FBXO16: variants seen among roughly 807,000 people sequenced by gnomAD.
The protein encoded by FBXO16 is F-box only protein 16.
In FBXO16, 31 loss-of-function variants were observed where a neutral mutation model predicts 41.0. The ratio of observed to expected loss-of-function variants is 0.76; its 90% CI spans 0.57 to 1.02. The LOEUF (loss-of-function observed/expected upper bound fraction) is 1.02, where lower values mean the gene tolerates loss of function less well. Ranked by LOEUF, FBXO16 falls within the 50% of genes least tolerant of loss-of-function variation. The pLI, the probability that FBXO16 is intolerant of heterozygous loss-of-function variation, is 0.00. For synonymous variants in FBXO16, 133 were observed against 117.8 expected (o/e 1.13, Z -0.84); for missense variants, 361 against 346.2 (o/e 1.04, Z -0.34).
chr8:28,476,135 G>A (rs1454527189), intron 2 of FBXO16, among the ~76,000 whole-genome samples: 1 of 152,114 alleles, frequency 6.6e-6, no homozygotes, highest in Non-Finnish European at 1.5e-5. Flanking sequence ...GTCCAATGAT[G>A]GTGTGGCCCA....
In FBXO16 at chr8:28,438,624, A is replaced by G. The variant is rs142840978; in HGVS notation, c.843+8547T>C. On this transcript the variant is annotated intron_variant, in intron 7 of 8. Coordinates refer to ENST00000380254, the MANE Select transcript of FBXO16 (RefSeq NM_172366.4). ...CTAGCTTTGAGCTAGGTACTGTGCT[A>G]ATGCTTTACATCCTCCTCCCAATTC... is the stretch of plus-strand genomic sequence containing the variant. Among the ~76,000 whole-genome samples, 946 of 152,278 alleles carry G rather than the reference A, an allele frequency of 6.2e-3. 17 individuals carry two copies. Among genetic ancestry groups the G allele is most frequent in the African/African-American group, 0.022 (896 of 41,552 alleles).
rs573169015 is a variant in FBXO16, at chr8:28,472,225, G to T, written c.135+1547C>A. Among the ~76,000 whole-genome samples the T allele has an allele frequency of 1.2e-4, 19 of 152,190 alleles. No homozygotes were observed. In the East Asian group the frequency reaches 3.7e-3, roughly 29 times the overall value. ...CCTGCCTTACCCATCCCAAGTAGCT[G>T]GGACTATAGGAAAGCACCACCATGC... is the stretch of plus-strand genomic sequence containing the variant. On this transcript the variant is annotated intron_variant, in intron 3 of 8. Coordinates refer to ENST00000380254, the MANE Select transcript of FBXO16 (RefSeq NM_172366.4).
At chr8:28,455,118 C>T (rs1036674971) in intron 5 of FBXO16, among the ~76,000 whole-genome samples, 5 of 151,530 alleles carry the variant, frequency 3.3e-5, no homozygotes, top group African/African-American at 1.2e-4. Flanking sequence ...CTCTATCGCC[C>T]AGGATGTAGT....
intron 7 of FBXO16, among the ~76,000 whole-genome samples, chr8:28,430,045 A>G (rs1436509073): frequency 1.3e-5 from 2 of 152,186 alleles, no homozygotes; most frequent in African/African-American, 4.8e-5. Flanking sequence ...ATGAGGCTGC[A>G]AACTCCCTGC....
rs893288313 is a variant in FBXO16, at chr8:28,438,759, C to T, written c.843+8412G>A. On this transcript the variant is annotated intron_variant, in intron 7 of 8. Transcript: ENST00000380254. ...TCACCAGACTACTAAAATAGTGGTA[C>T]GATGGGCATTGAACTTAGGCTATTT... 4.6e-5 allele frequency among the ~76,000 whole-genome samples: 7 copies of T among 152,190 alleles called. No homozygotes were observed. In the South Asian group the frequency reaches 6.2e-4, roughly 14 times the overall value.
At position 28,451,325 on chromosome 8, in the gene FBXO16, GAACCAA is replaced by G. The variant is rs1346703753; in HGVS notation, c.740+913_740+918del. Among the ~76,000 whole-genome samples, 5 of 151,734 alleles carry G rather than the reference GAACCAA, an allele frequency of 3.3e-5. No individual in the cohort carries two copies. In the Middle Eastern group the frequency reaches 0.01, roughly 312 times the overall value. ...AGAGATTTCTGGTGTGTTTGTCAAA[GAACCAA>G]AAATCTTTTTTCTTTGTTTTCTTTC... On this transcript the variant is annotated intron_variant, in intron 6 of 8. Coordinates refer to ENST00000380254, the MANE Select transcript of FBXO16 (RefSeq NM_172366.4).
At chr8:28,483,839 CA>C (rs201009149) in intron 1 of FBXO16, among the ~76,000 whole-genome samples, 1 of 151,282 alleles carries the variant, frequency 6.6e-6, no homozygotes, top group Non-Finnish European at 1.5e-5. Context: ...GACTCCACCT[CA>C]AAAAAAACAA....
rs372509743 is a variant in FBXO16, at chr8:28,463,592, T to A, written c.342+20A>T. ...AAGGCTGTCCTCACAAAACACCACA[T>A]ACCCCTTCCTTGCCTTTACCTGTGC... On this transcript the variant is annotated intron_variant, in intron 4 of 8. Coordinates refer to ENST00000380254, the MANE Select transcript of FBXO16 (RefSeq NM_172366.4). 167 of 1,612,616 alleles carry A rather than the reference T, an allele frequency of 1.0e-4. No homozygotes were observed. The African/African-American group carries it at 1.8e-3, about 17-fold the overall frequency.
chr8:28,473,277 G>A (rs1336213965), intron 3 of FBXO16, among the ~76,000 whole-genome samples: 8 of 152,182 alleles, frequency 5.3e-5, no homozygotes, highest in African/African-American at 1.9e-4. Context: ...ATGCTTCTCA[G>A]GAAATGAGGA....
At chr8:28,475,488 A>G (rs1474895626) in intron 2 of FBXO16, among the ~76,000 whole-genome samples, 1 of 152,242 alleles carries the variant, frequency 6.6e-6, no homozygotes, top group Non-Finnish European at 1.5e-5. Context: ...GAAGTAGAGG[A>G]GAATCTGTAG....
At chr8:28,436,992 G>A (rs1802696450) in intron 7 of FBXO16, among the ~76,000 whole-genome samples, 1 of 152,082 alleles carries the variant, frequency 6.6e-6, no homozygotes, top group Non-Finnish European at 1.5e-5. Flanking sequence ...GGACTCAAGT[G>A]ATCCCCCTGC....
At chr8:28,439,291 C>A (rs568108124) in intron 7 of FBXO16, among the ~76,000 whole-genome samples, 3 of 152,146 alleles carry the variant, frequency 2.0e-5, no homozygotes, top group Non-Finnish European at 2.9e-5. Flanking sequence ...AGTACAAGAG[C>A]CCAGGTCTGT....
chr8:28,440,643 A>C (rs1802757200), intron 7 of FBXO16, among the ~76,000 whole-genome samples: 1 of 152,188 alleles, frequency 6.6e-6, no homozygotes, highest in South Asian at 2.1e-4. Flanking sequence ...CTAAGAGTAA[A>C]GTTATCCCTG....
Position 28,447,225 on chromosome 8 carries a change from ATGT to A in FBXO16, c.786_788del (p.His263del), listed in dbSNP as rs1802878194. 3 of 1,613,834 alleles carry A rather than the reference ATGT, an allele frequency of 1.9e-6. No homozygotes were observed. The Admixed American group carries it at 5.0e-5, about 27-fold the overall frequency. On this transcript the variant is annotated inframe_deletion, in exon 7 of 9. Transcript: ENST00000380254. ...TGTCCTGCAATTTATTTTTCTTATC[ATGT>A]GACTGTCGGCTGAAGTCTGGGGTCA...
chr8:28,486,696 G>A lies in FBXO16; in HGVS notation c.-16-3234C>T, dbSNP rs368465077. ...ACCAAAAAATTAGCTGGGCTTAGTG[G>A]TGCACGCCTGTGGTCCCAGCTACTT... On this transcript the variant is annotated intron_variant, in intron 1 of 8. Coordinates refer to ENST00000380254, the MANE Select transcript of FBXO16 (RefSeq NM_172366.4). 2.7e-4 allele frequency among the ~76,000 whole-genome samples: 41 copies of A among 151,992 alleles called. 1 individual carries two copies. The Middle Eastern group carries it at 0.017, about 63-fold the overall frequency.
chr8:28,452,671 G>A (rs1802974818), intron 5 of FBXO16, among the ~76,000 whole-genome samples, 195 bp from the exon 6 acceptor site: 1 of 151,856 alleles, frequency 6.6e-6, no homozygotes, highest in East Asian at 1.9e-4. Context: ...TGTGGTGGCG[G>A]GCACCTGTAG....
intron 2 of FBXO16, among the ~76,000 whole-genome samples, chr8:28,478,021 A>G (rs1219267740): frequency 6.6e-6 from 1 of 152,104 alleles, no homozygotes; most frequent in African/African-American, 2.4e-5. Context: ...AAACAAACAA[A>G]CAAACACCAG....
chr8:28,473,339 A>G (rs997194564), intron 3 of FBXO16, among the ~76,000 whole-genome samples: 1 of 152,232 alleles, frequency 6.6e-6, no homozygotes, highest in Admixed American at 6.5e-5. Context: ...ATAATGCTAC[A>G]GACTGAATGT....
Position 28,429,361 on chromosome 8 carries a change from TCA to T in FBXO16, c.869+15_869+16del. The T allele has an allele frequency of 6.2e-7, 1 of 1,613,658 alleles. No homozygotes were observed. The highest frequency in any genetic ancestry group is 1.7e-5 in the Admixed American group (1 of 59,974). ...AAAAGGCAAATGTCACAGGTTGATATCACAACCGAAACTCACAGTGGGAAGGG... is the reference window on the plus strand; with the variant it reads ...AAAAGGCAAATGTCACAGGTTGATATCAACCGAAACTCACAGTGGGAAGGG... On this transcript the variant is annotated intron_variant, in intron 8 of 8. Coordinates refer to ENST00000380254, the MANE Select transcript of FBXO16 (RefSeq NM_172366.4).
Sources: gnomAD v4.1 joint callset for allele counts (sites outside exome capture counted in the v4.1 genomes callset) on GRCh38, gnomAD v4.1.1 for gene constraint, MANE v1.5 for transcripts, NCBI Gene and HGNC (gene_info 2026-07-23, HGNC 2026-07-21) for gene names.